The following RUNX1 variants were observed in gnomAD, a reference collection of about 807,000 sequenced individuals.
RUNX1 encodes the protein RUNX family transcription factor 1.
Under a neutral mutation model 42.8 loss-of-function variants are expected in RUNX1, and 19 were observed. The ratio of observed to expected loss-of-function variants is 0.44; its 90% CI spans 0.31 to 0.65. The LOEUF (loss-of-function observed/expected upper bound fraction) is 0.65. RUNX1 is among the 30% of genes least tolerant of loss of function. RUNX1 has a pLI of 0.07. For synonymous variants in RUNX1, 271 were observed against 289.4 expected (o/e 0.94, Z 0.64); for missense variants, 528 against 672.0 (o/e 0.79, Z 2.37).
At chr21:34,852,624 C>T (rs1422901471) in intron 6 of RUNX1, among the ~76,000 whole-genome samples, 2 of 152,294 alleles carry the variant, frequency 1.3e-5, no homozygotes, top group Middle Eastern at 6.8e-3. Flanking sequence ...TTCAGCTTGG[C>T]CTGAAATGCC....
rs1056891869 is a variant in RUNX1, at chr21:35,047,177, T to C, written c.58+1665A>G. On this transcript the variant is annotated intron_variant, in intron 2 of 8. Coordinates refer to ENST00000675419, the MANE Select transcript of RUNX1 (RefSeq NM_001754.5). The stretch of plus-strand genomic sequence containing the variant: ...CCTGAGTTGATAAAATAGGAAACAA[T>C]ACACGTTCTGAGGGGGTACTGAAAG... Among the ~76,000 whole-genome samples, 9 of 152,208 alleles carry C rather than the reference T, an allele frequency of 5.9e-5. No homozygotes were observed. In the East Asian group the frequency reaches 1.2e-3, roughly 20 times the overall value.
At chr21:35,027,146 G>A (rs2059243358) in intron 2 of RUNX1, among the ~76,000 whole-genome samples, 1 of 152,170 alleles carries the variant, frequency 6.6e-6, no homozygotes, top group South Asian at 2.1e-4. Flanking sequence ...GGGGCAGGGG[G>A]CGAAGGGAGG....
chr21:34,921,431 C>T (rs560384464), intron 2 of RUNX1, among the ~76,000 whole-genome samples: 1 of 152,254 alleles, frequency 6.6e-6, no homozygotes, highest in Admixed American at 6.5e-5. Context: ...ATTATAATGT[C>T]CTCAAGCTTC....
chr21:34,902,546 T>C (rs1188869185), intron 2 of RUNX1, among the ~76,000 whole-genome samples: 1 of 152,150 alleles, frequency 6.6e-6, no homozygotes, highest in Non-Finnish European at 1.5e-5. Flanking sequence ...CACACACAAA[T>C]ATATTATCTT....
intron 2 of RUNX1, among the ~76,000 whole-genome samples, chr21:34,978,382 A>G (rs2058819628): frequency 1.3e-5 from 2 of 152,216 alleles, no homozygotes. Flanking sequence ...GAATAAATGA[A>G]TGGAAATGTT....
chr21:34,954,426 A>C (rs2058630274), intron 2 of RUNX1, among the ~76,000 whole-genome samples: 2 of 152,156 alleles, frequency 1.3e-5, no homozygotes, highest in Admixed American at 1.3e-4. Flanking sequence ...AGAGCCTCAA[A>C]GGCAGGAGGG....
At chr21:34,818,014 A>G (rs2056853257) in intron 7 of RUNX1, among the ~76,000 whole-genome samples, 1 of 152,254 alleles carries the variant, frequency 6.6e-6, no homozygotes. Flanking sequence ...CGGTTTCATC[A>G]ATGAATAATA....
intron 2 of RUNX1, among the ~76,000 whole-genome samples, chr21:34,939,733 T>C (rs2058512936): frequency 6.6e-6 from 1 of 152,280 alleles, no homozygotes; most frequent in Admixed American, 6.5e-5. Context: ...GTAGAAGCTG[T>C]TGTTTTAGGG....
intron 3 of RUNX1, among the ~76,000 whole-genome samples, chr21:34,889,052 G>A (rs990353824): frequency 6.6e-6 from 1 of 151,240 alleles, no homozygotes; most frequent in African/African-American, 2.4e-5. Context: ...AGCAGGCCCC[G>A]CCGGCCCGAG....
At chr21:34,894,920 CACACACACATAT>C (rs984305540) in intron 2 of RUNX1, among the ~76,000 whole-genome samples, 7 of 141,128 alleles carry the variant, frequency 5.0e-5, no homozygotes, top group African/African-American at 2.1e-4. Context: ...CACACACACA[CACACACACATAT>C]TCATATCTAC....
intron 6 of RUNX1, among the ~76,000 whole-genome samples, chr21:34,859,032 T>G: frequency 6.6e-6 from 1 of 152,226 alleles, no homozygotes; most frequent in Non-Finnish European, 1.5e-5. Flanking sequence ...AGTTTTCATC[T>G]CTGGCCCTCA....
At position 34,799,305 on chromosome 21, in the gene RUNX1, G is replaced by A. The variant is rs2145907015; in HGVS notation, c.963C>T (p.Leu321=). The A allele has an allele frequency of 6.2e-7, 1 of 1,614,188 alleles. No individual in the cohort carries two copies. The highest frequency in any genetic ancestry group is 1.3e-5 in the African/African-American group (1 of 75,058). Residue 321 remains leucine (L), a synonymous_variant, in exon 8 of 9, where the codon CTC becomes CTT. Transcript: ENST00000675419. Reference sequence around the variant, plus strand: ...ATGTGTTTTCAAGTGGCTTACTTGAGAGTCGACTGGAAAGTTCTGCAGAGA... The same window carrying A: ...ATGTGTTTTCAAGTGGCTTACTTGAAAGTCGACTGGAAAGTTCTGCAGAGA... ...TTLSAELSSR[L]STAPDLTAFS...
At chr21:34,825,064 C>T (rs564098844) in intron 7 of RUNX1, among the ~76,000 whole-genome samples, 8 of 152,258 alleles carry the variant, frequency 5.3e-5, no homozygotes, top group East Asian at 3.9e-4. Context: ...TATCTTCAGG[C>T]GATTTGTAAA....
intron 4 of RUNX1, among the ~76,000 whole-genome samples, chr21:34,884,729 C>G (rs1164155903): frequency 6.6e-6 from 1 of 152,188 alleles, no homozygotes; most frequent in Non-Finnish European, 1.5e-5. Flanking sequence ...AGGAAGAAGC[C>G]TCTTTTTATG....
intron 4 of RUNX1, among the ~76,000 whole-genome samples, chr21:34,885,693 G>A (rs2057973527): frequency 6.6e-6 from 1 of 152,180 alleles, no homozygotes; most frequent in Non-Finnish European, 1.5e-5. Flanking sequence ...GCTGAGGCTT[G>A]GAACTATAAA....
At chr21:35,015,568 A>G (rs2059153592) in intron 2 of RUNX1, among the ~76,000 whole-genome samples, 1 of 152,230 alleles carries the variant, frequency 6.6e-6, no homozygotes, top group African/African-American at 2.4e-5. Context: ...AGGTGCGAAC[A>G]TCAAACACAG....
intron 7 of RUNX1, among the ~76,000 whole-genome samples, chr21:34,827,836 C>A (rs1322770747): frequency 1.3e-5 from 2 of 152,234 alleles, no homozygotes; most frequent in Non-Finnish European, 2.9e-5. Flanking sequence ...AGCATGGCTT[C>A]CTCCACCTAG....
At chr21:34,889,735 C>A (rs1569087831) in intron 3 of RUNX1, 11 of 1,182,444 alleles carry the variant, frequency 9.3e-6, no homozygotes, top group Non-Finnish European at 1.1e-5. Context: ...GTGCTGCGGG[C>A]ATTTTCGCGG....
At chr21:34,854,209 C>T (rs953673550) in intron 6 of RUNX1, among the ~76,000 whole-genome samples, 8 of 152,152 alleles carry the variant, frequency 5.3e-5, no homozygotes, top group African/African-American at 1.9e-4. Flanking sequence ...AATAGGTTTG[C>T]TATACACACT....
Sources: gnomAD v4.1 joint callset for allele counts (sites outside exome capture counted in the v4.1 genomes callset) on GRCh38, gnomAD v4.1.1 for gene constraint, MANE v1.5 for transcripts, NCBI Gene and HGNC (gene_info 2026-07-23, HGNC 2026-07-21) for gene names.